The following PKIG variants were observed in gnomAD, a reference collection of about 807,000 sequenced individuals.
PKIG encodes cAMP-dependent protein kinase inhibitor gamma.
Under a neutral mutation model 6.8 loss-of-function variants are expected in PKIG, and 1 was observed. The observed-to-expected ratio is 0.15, with a 90% CI of 0.05 to 0.69. The LOEUF (loss-of-function observed/expected upper bound fraction) is 0.69, where lower values mean the gene tolerates loss of function less well. Among genes scored for constraint, PKIG ranks in the 30% least tolerant of loss-of-function variants. The pLI is 0.82. For missense variants in PKIG, 77 were observed against 104.0 expected, an observed-to-expected ratio of 0.74 and a Z score of 1.13; for synonymous variants, 39 against 43.0, an observed-to-expected ratio of 0.91 and a Z score of 0.36.
intron 2 of PKIG, among the ~76,000 whole-genome samples, chr20:44,599,493 G>T (rs2065102399): frequency 6.6e-6 from 1 of 152,168 alleles, no homozygotes. Flanking sequence ...GGAGGCTGAG[G>T]CGGGCGGATC....
chr20:44,559,097 C>A (rs1662029402), intron 1 of PKIG, among the ~76,000 whole-genome samples: 1 of 152,116 alleles, frequency 6.6e-6, no homozygotes, highest in African/African-American at 2.4e-5. Context: ...GCCTGTTTTT[C>A]TTCTTAAAAT....
chr20:44,590,426 GC>G (rs2065025029), intron 2 of PKIG, among the ~76,000 whole-genome samples: 1 of 152,166 alleles, frequency 6.6e-6, no homozygotes, highest in South Asian at 2.1e-4. Flanking sequence ...AGCACAAGTG[GC>G]CCACCTGGCA....
chr20:44,618,392 G>A lies in PKIG; in HGVS notation c.*28G>A, dbSNP rs2065290639. 9.5e-6 allele frequency: 14 copies of A among 1,477,274 alleles called. No homozygotes were observed. Among genetic ancestry groups the A allele is most frequent in the South Asian group, 2.3e-5 (2 of 88,440 alleles). 91.5% of individuals were successfully genotyped at this position (1,477,274 alleles called of 1,614,324 possible). On this transcript the variant is annotated 3_prime_UTR_variant, in exon 4 of 4. Transcript: ENST00000372886. ...CTGACCTTGTCCAAGAAGGCTGGAC[G>A]AGAGACCTTCTGTCCCCTCCCAGAG...
At chr20:44,553,490 C>T (rs1463330292) in intron 1 of PKIG, among the ~76,000 whole-genome samples, 2 of 152,070 alleles carry the variant, frequency 1.3e-5, no homozygotes, top group Non-Finnish European at 2.9e-5. Flanking sequence ...GTGGTAGCTT[C>T]ACAGATGGAT....
chr20:44,540,563 G>T (rs1412073792), intron 1 of PKIG, among the ~76,000 whole-genome samples: 1 of 149,582 alleles, frequency 6.7e-6, no homozygotes, highest in Non-Finnish European at 1.5e-5. Flanking sequence ...TTTTTGTTTT[G>T]TTTTTTTTTG....
chr20:44,572,034 C>T (rs879661083), intron 1 of PKIG, among the ~76,000 whole-genome samples: 14 of 152,236 alleles, frequency 9.2e-5, no homozygotes, highest in Non-Finnish European at 1.6e-4. Context: ...GACGGAGTCT[C>T]GCTCTGTTGC....
At chr20:44,607,564 A>C (rs937869926) in intron 2 of PKIG, among the ~76,000 whole-genome samples, 2 of 149,138 alleles carry the variant, frequency 1.3e-5, no homozygotes, top group African/African-American at 5.0e-5. Context: ...TTTAGTAGAG[A>C]TGGGGTTTCA....
intron 1 of PKIG, among the ~76,000 whole-genome samples, chr20:44,587,530 G>A (rs989053072): frequency 3.3e-5 from 5 of 152,168 alleles, no homozygotes; most frequent in African/African-American, 1.2e-4. Context: ...GGAAACAGAG[G>A]GACGGGTGAC....
chr20:44,614,373 C>CT lies in PKIG; in HGVS notation c.-23-159dup, dbSNP rs2065245016. 3.7e-6 allele frequency: 2 copies of CT among 546,620 alleles called. No individual in the cohort carries two copies. The highest frequency in any genetic ancestry group is 3.2e-6 in the Non-Finnish European group (1 of 309,500). 33.9% of individuals were successfully genotyped at this position (546,620 alleles called of 1,614,324 possible). A position where few individuals can be genotyped will look rare whatever the true frequency, so the allele number is the denominator to read the frequency against. On this transcript the variant is annotated intron_variant, in intron 2 of 3. Transcript: ENST00000372886. The surrounding 1 kb of genome is among the most constrained non-coding windows in gnomAD (Gnocchi z 4.6). The stretch of plus-strand genomic sequence containing the variant: ...TGTCTGGGTGTGGAATTATGAGTGA[C>CT]TTGTTTTGTTCTTTGTACTTTTCTG...
chr20:44,582,359 G>T (rs999538253), upstream of PKIG, among the ~76,000 whole-genome samples: 1 of 152,190 alleles, frequency 6.6e-6, no homozygotes, highest in African/African-American at 2.4e-5. Flanking sequence ...GTTGAAAATT[G>T]AAGGAAGGAT....
intron 1 of PKIG, among the ~76,000 whole-genome samples, chr20:44,587,745 C>T (rs2123371163): frequency 6.6e-6 from 1 of 152,308 alleles, no homozygotes; most frequent in East Asian, 1.9e-4. Context: ...AATCCCCCCA[C>T]CCACATACCG....
intron 2 of PKIG, among the ~76,000 whole-genome samples, chr20:44,605,408 A>G (rs1183390229): frequency 7.0e-6 from 1 of 142,974 alleles, no homozygotes; most frequent in Non-Finnish European, 1.5e-5. Flanking sequence ...CTCCGTCTCA[A>G]AAAAAAAAAA....
intron 2 of PKIG, among the ~76,000 whole-genome samples, chr20:44,608,619 C>A (rs2065187560): frequency 6.6e-6 from 1 of 151,890 alleles, no homozygotes; most frequent in Admixed American, 6.6e-5. Context: ...GAGTTTGAGA[C>A]CACCTTGGTT....
chr20:44,614,757 C>A lies in PKIG; in HGVS notation c.151+50C>A. ...CTACTGCATGCCAGAGGCCCTCTGCCGGGCCCCGGGCTAGCCTCCAAGTCC... is the reference window on the plus strand; with the variant it reads ...CTACTGCATGCCAGAGGCCCTCTGCAGGGCCCCGGGCTAGCCTCCAAGTCC... On this transcript the variant is annotated intron_variant, in intron 3 of 3. Transcript: ENST00000372886. The surrounding 1 kb of genome is among the most constrained non-coding windows in gnomAD (Gnocchi z 4.6). 6.3e-7 allele frequency: 1 copy of A among 1,596,644 alleles called. No individual in the cohort carries two copies. Among genetic ancestry groups the A allele is most frequent in the South Asian group, 1.1e-5 (1 of 90,110 alleles).
chr20:44,614,393 T>C lies in PKIG; in HGVS notation c.-23-141T>C, dbSNP rs547959072. 18 of 616,128 alleles carry C rather than the reference T, an allele frequency of 2.9e-5. No homozygotes were observed. The South Asian group carries it at 3.5e-4, about 12-fold the overall frequency. 38.2% of individuals were successfully genotyped at this position (616,128 alleles called of 1,614,324 possible). On this transcript the variant is annotated intron_variant, in intron 2 of 3. Coordinates refer to ENST00000372886, the MANE Select transcript of PKIG (RefSeq NM_001281445.2). The surrounding 1 kb of genome is among the most constrained non-coding windows in gnomAD (Gnocchi z 4.6). ...AGTGACTTGTTTTGTTCTTTGTACT[T>C]TTCTGTGCTTTTTGCTTTGTTTTCA... is the stretch of plus-strand genomic sequence containing the variant.
At position 44,618,559 on chromosome 20, in the gene PKIG, T is replaced by G; in HGVS notation, c.*195T>G. 3 of 544,978 alleles carry G rather than the reference T, an allele frequency of 5.5e-6. No individual in the cohort carries two copies. Among genetic ancestry groups the G allele is most frequent in the East Asian group, 3.1e-5 (1 of 31,838 alleles). The allele number at this position is 544,978 out of a possible 1,614,324, so 33.8% of individuals were successfully genotyped here. On this transcript the variant is annotated 3_prime_UTR_variant, in exon 4 of 4. Coordinates refer to ENST00000372886, the MANE Select transcript of PKIG (RefSeq NM_001281445.2). ...TCTGCCCACACCCACAGGCTTCACA[T>G]TCCCACCACCTTCGCACCGTGCCCA... is the stretch of plus-strand genomic sequence containing the variant.
chr20:44,580,272 A>T (rs974773551), upstream of PKIG, among the ~76,000 whole-genome samples: 6 of 152,166 alleles, frequency 3.9e-5, no homozygotes, highest in Non-Finnish European at 8.8e-5. Flanking sequence ...AAGGAAGCCC[A>T]CATCTCTCTG....
intron 1 of PKIG, among the ~76,000 whole-genome samples, chr20:44,543,979 G>A (rs1228844868): frequency 5.3e-5 from 8 of 151,220 alleles, no homozygotes; most frequent in Admixed American, 2.0e-4. Context: ...CAGGAGAATC[G>A]CTTGAACCTG....
intron 2 of PKIG, among the ~76,000 whole-genome samples, chr20:44,599,677 G>A (rs2065104289): frequency 6.6e-6 from 1 of 152,078 alleles, no homozygotes; most frequent in African/African-American, 2.4e-5. Flanking sequence ...AGCCAAGATC[G>A]CGCCGCTGCA....
Sources: gnomAD v4.1 joint callset for allele counts (sites outside exome capture counted in the v4.1 genomes callset) on GRCh38, gnomAD v4.1.1 for gene constraint, Gnocchi (gnomAD v3.1) non-coding constraint, MANE v1.5 for transcripts, NCBI Gene and HGNC (gene_info 2026-07-23, HGNC 2026-07-21) for gene names.